Variants in JMJD6 observed in about 807,000 individuals in gnomAD.
JMJD6 encodes jumonji domain containing 6, arginine demethylase and lysine hydroxylase, also known as bifunctional arginine demethylase and lysyl-hydroxylase JMJD6.
JMJD6 carries 17 observed loss-of-function variants against 45.8 expected under a neutral mutation model. The ratio of observed to expected loss-of-function variants is 0.37; its 90% CI spans 0.25 to 0.56. JMJD6 has a LOEUF of 0.56. Ranked by LOEUF, JMJD6 falls within the 20% of genes least tolerant of loss-of-function variation. The pLI is 0.79. For missense variants in JMJD6, 470 were observed against 517.5 expected (o/e 0.91, Z 0.89); for synonymous variants, 221 against 196.3 (o/e 1.13, Z -1.05).
chr17:76,718,233 A>G (rs2076781748), downstream of JMJD6, among the ~76,000 whole-genome samples: 1 of 151,290 alleles, frequency 6.6e-6, no homozygotes, highest in South Asian at 2.1e-4. Context: ...TGAGCACTCA[A>G]GCAGCAACGG....
rs765176680 is a variant in JMJD6, at chr17:76,720,501, G to A, written c.942-3C>T. 5 of 1,613,936 alleles carry A rather than the reference G, an allele frequency of 3.1e-6. No homozygotes were observed. Among genetic ancestry groups the A allele is most frequent in the Middle Eastern group, 1.6e-4 (1 of 6,062 alleles). On this transcript the variant is annotated splice_region_variant and splice_polypyrimidine_tract_variant and intron_variant, in intron 4 of 5. Transcript: ENST00000397625. ...CGGGGTGCTCTTGCTTCAAAATCCT[G>A]AGAGGCAAGAAGTGTTGTTCTCAGT... is the stretch of plus-strand genomic sequence containing the variant.
intron 4 of JMJD6, chr17:76,721,497 C>A: frequency 2.5e-6 from 1 of 392,476 alleles, no homozygotes. Context: ...ATGATTTTAG[C>A]TAGCGCTAGC....
downstream of JMJD6, chr17:76,713,521 G>C (rs1045519550): frequency 6.6e-6 from 1 of 152,092 alleles, no homozygotes; most frequent in African/African-American, 2.4e-5. Flanking sequence ...GGAAGAAGCC[G>C]CCAGACTCCA....
At chr17:76,715,220 G>C (rs2076755820), downstream of JMJD6, 1 of 152,224 alleles carries the variant, frequency 6.6e-6, no homozygotes, top group African/African-American at 2.4e-5. Context: ...ACACCACTCA[G>C]ATATTACTAC....
chr17:76,719,722 T>C (rs763375358), intron 5 of JMJD6, among the ~76,000 whole-genome samples: 1 of 152,244 alleles, frequency 6.6e-6, no homozygotes, highest in Non-Finnish European at 1.5e-5. Context: ...ATTCTTCATA[T>C]GAGCTTTGAG....
intron 4 of JMJD6, 26 bp from the exon 5 acceptor site, chr17:76,720,524 A>G (rs1366709834): frequency 6.2e-7 from 1 of 1,611,780 alleles, no homozygotes; most frequent in Admixed American, 1.7e-5. Flanking sequence ...TGTTGTTCTC[A>G]GTGCACTGAC....
chr17:76,720,211 G>C (rs2076805885), intron 5 of JMJD6, 149 bp downstream of exon 5: 1 of 690,138 alleles, frequency 1.4e-6, no homozygotes, highest in African/African-American at 1.8e-5. Context: ...CACTCAGCAG[G>C]AATGGTGACA....
chr17:76,719,001 A>C (rs920663416), intron 5 of JMJD6, 141 bp from the exon 6 acceptor site: 6 of 793,872 alleles, frequency 7.6e-6, no homozygotes, highest in Non-Finnish European at 1.2e-5. Context: ...ACAGCTCCAC[A>C]ATGTAGCCTT....
intron 5 of JMJD6, among the ~76,000 whole-genome samples, chr17:76,719,630 C>T (rs562090517): frequency 1.3e-5 from 2 of 152,304 alleles, no homozygotes; most frequent in Non-Finnish European, 2.9e-5. Context: ...GGCCCTCTCA[C>T]CCAGTATTAC....
chr17:76,722,380 T>C (rs1371896113), intron 3 of JMJD6, among the ~76,000 whole-genome samples: 1 of 152,202 alleles, frequency 6.6e-6, no homozygotes, highest in Non-Finnish European at 1.5e-5. Flanking sequence ...TTGTCTGGTG[T>C]GGGATTTCCT....
exon 7 of JMJD6, chr17:76,713,410 CAAT>C (rs1234039047): frequency 6.6e-6 from 1 of 152,188 alleles, no homozygotes; most frequent in Non-Finnish European, 1.5e-5. Flanking sequence ...AATTTCTGAA[CAAT>C]GAGACAAAGT....
intron 5 of JMJD6, among the ~76,000 whole-genome samples, chr17:76,720,053 G>A (rs1336397166): frequency 6.6e-6 from 1 of 152,218 alleles, no homozygotes; most frequent in Non-Finnish European, 1.5e-5. Context: ...GCTGAGGCAG[G>A]AGAATCGCTT....
chr17:76,721,246 C>T (rs1429655634), intron 4 of JMJD6: 3 of 397,794 alleles, frequency 7.5e-6, no homozygotes, highest in South Asian at 3.4e-5. Flanking sequence ...TGGAACAAGC[C>T]AGAATCCCTC....
At chr17:76,716,559 C>T, downstream of JMJD6, 1 of 833,706 alleles carries the variant, frequency 1.2e-6, no homozygotes, top group East Asian at 2.5e-5. Flanking sequence ...GGAGCTTGGA[C>T]CAGGGAAGGA....
At chr17:76,714,422 C>A (rs186876881), downstream of JMJD6, 15 of 152,380 alleles carry the variant, frequency 9.8e-5, no homozygotes, top group East Asian at 2.9e-3. Context: ...GAGTAGCTCA[C>A]GCCAGATGGG....
chr17:76,717,374 A>G (rs1567996661), downstream of JMJD6, among the ~76,000 whole-genome samples: 1 of 152,140 alleles, frequency 6.6e-6, no homozygotes, highest in Non-Finnish European at 1.5e-5. Context: ...ACTATCTTCC[A>G]ACAACCTCTC....
At chr17:76,722,845 CAAAAAAAAAAAAAAAA>C in intron 3 of JMJD6, among the ~76,000 whole-genome samples, 1 of 43,270 alleles carries the variant, frequency 2.3e-5, no homozygotes, top group Non-Finnish European at 3.5e-5. Flanking sequence ...GACTTGGTCT[CAAAAAAAAAAAAAAAA>C]AAAAAAAAGA....
At chr17:76,716,509 A>C (rs1199282619), downstream of JMJD6, 1 of 607,890 alleles carries the variant, frequency 1.6e-6, no homozygotes, top group Non-Finnish European at 3.0e-6. Context: ...TTGATAATCT[A>C]TCCTTAGGAA....
At chr17:76,722,626 G>A (rs1598378422) in intron 3 of JMJD6, among the ~76,000 whole-genome samples, 3 of 152,106 alleles carry the variant, frequency 2.0e-5, no homozygotes, top group African/African-American at 7.2e-5. Flanking sequence ...CGGGTGGGTT[G>A]CCTGAGCTCA....
Sources: allele counts gnomAD v4.1 joint callset (sites outside exome capture counted in the v4.1 genomes callset), GRCh38; gene constraint gnomAD v4.1.1; transcripts MANE v1.5; gene names NCBI Gene and HGNC (gene_info 2026-07-23, HGNC 2026-07-21).